Variants in PBX1 observed in about 807,000 individuals in gnomAD.
The protein encoded by PBX1 is pre-B-cell leukemia transcription factor 1.
In PBX1, 6 loss-of-function variants were observed where a neutral mutation model predicts 53.4. That is an observed-to-expected ratio of 0.11 (90% CI 0.06 to 0.22). The LOEUF (loss-of-function observed/expected upper bound fraction) is 0.22. Among genes scored for constraint, PBX1 ranks in the 10% least tolerant of loss-of-function variants. PBX1 has a pLI of 1.00. For synonymous variants in PBX1, 204 were observed against 212.3 expected (o/e 0.96, Z 0.34); for missense variants, 251 against 551.4 (o/e 0.46, Z 5.46).
At chr1:164,728,812 C>T (rs11579619) in intron 2 of PBX1, among the ~76,000 whole-genome samples, 47 of 152,306 alleles carry the variant, frequency 3.1e-4, no homozygotes, top group Admixed American at 4.6e-4. Flanking sequence ...CCGATATTCT[C>T]CCCACCCACC....
intron 2 of PBX1, among the ~76,000 whole-genome samples, chr1:164,575,967 C>T (rs1468595730): frequency 6.6e-6 from 1 of 151,936 alleles, no homozygotes; most frequent in Non-Finnish European, 1.5e-5. Flanking sequence ...GCAGCTTCAT[C>T]CGGAGGCCAA....
At chr1:164,650,578 CA>C (rs1434566181) in intron 2 of PBX1, among the ~76,000 whole-genome samples, 1 of 152,136 alleles carries the variant, frequency 6.6e-6, no homozygotes, top group African/African-American at 2.4e-5. Context: ...AGTCTGTTTA[CA>C]GTCTGCATTA....
intron 7 of PBX1, among the ~76,000 whole-genome samples, 192 bp from the exon 8 acceptor site, chr1:164,821,345 A>G (rs1670143941): frequency 1.3e-5 from 2 of 152,048 alleles, no homozygotes; most frequent in African/African-American, 4.8e-5. Flanking sequence ...TGCTTACTGA[A>G]CTCAGAATTC....
At chr1:164,729,827 A>C (rs924331528) in intron 2 of PBX1, among the ~76,000 whole-genome samples, 1 of 150,030 alleles carries the variant, frequency 6.7e-6, no homozygotes, top group Non-Finnish European at 1.5e-5. Flanking sequence ...AGATAATAAA[A>C]ATCATTATAA....
intron 2 of PBX1, among the ~76,000 whole-genome samples, chr1:164,691,345 A>G (rs1032148474): frequency 6.6e-6 from 1 of 152,182 alleles, no homozygotes; most frequent in Non-Finnish European, 1.5e-5. Flanking sequence ...GTTGTCTAGC[A>G]TAGTTGGTGC....
intron 2 of PBX1, among the ~76,000 whole-genome samples, chr1:164,732,814 A>G (rs1665070307): frequency 6.6e-6 from 1 of 151,850 alleles, no homozygotes; most frequent in Non-Finnish European, 1.5e-5. Flanking sequence ...AATTACAGAA[A>G]CCTTCCCTTG....
chr1:164,849,015 GTGACAACTTCATA>G lies in PBX1; in HGVS notation c.*2340_*2352del. ...ACAGATGCCTAGAAGGAGCATTTTTGTGACAACTTCATAGTGATTAGAATCAGTGGAGAACTCC... is the reference window on the plus strand; with the variant it reads ...ACAGATGCCTAGAAGGAGCATTTTTGGTGATTAGAATCAGTGGAGAACTCC... On this transcript the variant is annotated 3_prime_UTR_variant, in exon 9 of 9. Coordinates refer to ENST00000420696, the MANE Select transcript of PBX1 (RefSeq NM_002585.4). 8.5e-7 allele frequency: 1 copy of G among 1,172,976 alleles called. No homozygotes were observed. The highest frequency in any genetic ancestry group is 3.1e-5 in the South Asian group (1 of 32,212). The allele number at this position is 1,172,976 out of a possible 1,614,324, so 72.7% of individuals were successfully genotyped here.
chr1:164,833,958 A>G (rs1291255435), intron 8 of PBX1, among the ~76,000 whole-genome samples: 1 of 146,748 alleles, frequency 6.8e-6, no homozygotes, highest in African/African-American at 2.5e-5. Context: ...TATATTGCAT[A>G]CCCTATAATT....
At chr1:164,732,546 A>G (rs1264671235) in intron 2 of PBX1, among the ~76,000 whole-genome samples, 3 of 152,098 alleles carry the variant, frequency 2.0e-5, no homozygotes, top group Non-Finnish European at 2.9e-5. Flanking sequence ...TTTTCTTCAA[A>G]TGTATCTATT....
intron 2 of PBX1, among the ~76,000 whole-genome samples, chr1:164,751,051 C>CA (rs1666184620): frequency 6.6e-6 from 1 of 152,076 alleles, no homozygotes; most frequent in African/African-American, 2.4e-5. Flanking sequence ...TGCGGTGACT[C>CA]ATGCCTGTAA....
chr1:164,776,931 GT>G (rs1667683562), intron 2 of PBX1, among the ~76,000 whole-genome samples: 3 of 123,022 alleles, frequency 2.4e-5, no homozygotes, highest in South Asian at 2.8e-4. Context: ...GTGTGTGTGT[GT>G]GTGGTGGGAG....
intron 2 of PBX1, among the ~76,000 whole-genome samples, chr1:164,662,225 C>T (rs1660529916): frequency 1.3e-5 from 2 of 152,136 alleles, no homozygotes; most frequent in African/African-American, 4.8e-5. Flanking sequence ...ACTCGGGAGG[C>T]TGAGGCAGGA....
intron 8 of PBX1, among the ~76,000 whole-genome samples, chr1:164,837,650 C>G (rs1054182087): frequency 6.6e-6 from 1 of 152,132 alleles, no homozygotes; most frequent in Non-Finnish European, 1.5e-5. Context: ...ACTAAGGCAC[C>G]TTTGTTTAGC....
chr1:164,775,074 G>A (rs1461680411), intron 2 of PBX1, among the ~76,000 whole-genome samples: 2 of 152,174 alleles, frequency 1.3e-5, no homozygotes, highest in South Asian at 2.1e-4. Context: ...GAGGAAGCTC[G>A]CTTAGGGGTC....
chr1:164,654,732 G>A (rs1396844257), intron 2 of PBX1, among the ~76,000 whole-genome samples: 2 of 152,198 alleles, frequency 1.3e-5, no homozygotes, highest in African/African-American at 2.4e-5. Context: ...CAGTTATGTA[G>A]CATTTAAGGC....
chr1:164,734,177 A>G (rs764074199), intron 2 of PBX1, among the ~76,000 whole-genome samples: 6 of 152,174 alleles, frequency 3.9e-5, no homozygotes, highest in Non-Finnish European at 7.4e-5. Context: ...TCCTACCACT[A>G]TGTACTTTGG....
intron 2 of PBX1, 61 bp from the exon 3 acceptor site, chr1:164,792,431 TTG>T (rs1668562336): frequency 1.9e-6 from 3 of 1,589,050 alleles, no homozygotes; most frequent in Non-Finnish European, 2.6e-6. Flanking sequence ...CACAAATGTG[TTG>T]TGTTTTTTAT....
chr1:164,786,718 T>TGTGTGTGTGTGTGTGCGC (rs1391268022), intron 2 of PBX1, among the ~76,000 whole-genome samples: 7 of 100,076 alleles, frequency 7.0e-5, no homozygotes, highest in African/African-American at 3.0e-4. Context: ...TGTGTGTGTG[T>TGTGTGTGTGTGTGTGCGC]GTGCGCGCGC....
chr1:164,674,103 G>A (rs1661287095), intron 2 of PBX1, among the ~76,000 whole-genome samples: 1 of 152,194 alleles, frequency 6.6e-6, no homozygotes, highest in Non-Finnish European at 1.5e-5. Context: ...AGGTGTCAGT[G>A]TTTGTTTGCC....
Sources: allele counts gnomAD v4.1 joint callset (sites outside exome capture counted in the v4.1 genomes callset), GRCh38; gene constraint gnomAD v4.1.1; transcripts MANE v1.5; gene names NCBI Gene and HGNC (gene_info 2026-07-23, HGNC 2026-07-21).